The following TANGO6 variants were observed in gnomAD, a reference collection of about 807,000 sequenced individuals.
TANGO6 encodes the protein transport and golgi organization 6 homolog.
TANGO6 carries 90 observed loss-of-function variants against 114.2 expected under a neutral mutation model. The ratio of observed to expected loss-of-function variants is 0.79; its 90% CI spans 0.66 to 0.94. The LOEUF (loss-of-function observed/expected upper bound fraction) is 0.94, where lower values mean the gene tolerates loss of function less well. TANGO6 is among the 40% of genes least tolerant of loss of function. TANGO6 has a pLI of 0.00. For missense variants in TANGO6, 1,274 were observed against 1,315.3 expected, an observed-to-expected ratio of 0.97 and a Z score of 0.49; for synonymous variants, 477 against 509.8, an observed-to-expected ratio of 0.94 and a Z score of 0.87.
intron 9 of TANGO6, among the ~76,000 whole-genome samples, chr16:68,904,333 C>G (rs929013006): frequency 1.3e-5 from 2 of 152,134 alleles, no homozygotes; most frequent in African/African-American, 4.8e-5. Flanking sequence ...TAAAATGGCT[C>G]ACAGAAGCTT....
intron 9 of TANGO6, among the ~76,000 whole-genome samples, chr16:68,906,781 A>G (rs553666648): frequency 1.4e-5 from 2 of 146,450 alleles, no homozygotes; most frequent in African/African-American, 2.5e-5. Flanking sequence ...ATAACCGCCT[A>G]GTTTCTTCTT....
Position 69,077,507 on chromosome 16 carries a change from G to A in TANGO6, c.3109-5978G>A, listed in dbSNP as rs533077867. 3.3e-5 allele frequency among the ~76,000 whole-genome samples: 5 copies of A among 152,174 alleles called. No homozygotes were observed. In the South Asian group the frequency reaches 1.0e-3, roughly 32 times the overall value. ...GAGCAATGTACCAGTCACTTTCTGA[G>A]GCATTGGGGCTATACCAGATTGAAA... On this transcript the variant is annotated intron_variant, in intron 17 of 17. Coordinates refer to ENST00000261778, the MANE Select transcript of TANGO6 (RefSeq NM_024562.2).
intron 7 of TANGO6, among the ~76,000 whole-genome samples, chr16:68,886,849 G>A (rs1322737492): frequency 6.8e-6 from 1 of 147,076 alleles, no homozygotes. Context: ...ACTCTGTCAC[G>A]CAGGCTGGAG....
At chr16:69,019,159 AG>A (rs1186672878) in intron 15 of TANGO6, among the ~76,000 whole-genome samples, 1 of 152,084 alleles carries the variant, frequency 6.6e-6, no homozygotes, top group Non-Finnish European at 1.5e-5. Flanking sequence ...TGAATTTTTT[AG>A]TTTATTTCTT....
intron 2 of TANGO6, among the ~76,000 whole-genome samples, chr16:68,862,678 T>A (rs1334358810): frequency 1.3e-5 from 2 of 152,140 alleles, no homozygotes; most frequent in Non-Finnish European, 2.9e-5. Flanking sequence ...GAGAGATGCT[T>A]GCCAAAACCA....
At chr16:69,046,846 T>G (rs1477340463) in intron 17 of TANGO6, among the ~76,000 whole-genome samples, 1 of 151,972 alleles carries the variant, frequency 6.6e-6, no homozygotes, top group Non-Finnish European at 1.5e-5. Flanking sequence ...TTATATAATG[T>G]GAAGAACAGA....
intron 14 of TANGO6, chr16:68,937,103 G>A (rs1350578339): frequency 6.6e-6 from 1 of 152,198 alleles, no homozygotes; most frequent in Non-Finnish European, 1.5e-5. Context: ...CTCATTCTCA[G>A]ATTTCTACCT....
intron 15 of TANGO6, 124 bp from the exon 16 acceptor site, chr16:69,022,703 CA>C (rs113972965): frequency 3.1e-3 from 2,974 of 950,636 alleles, no homozygotes; most frequent in Middle Eastern, 3.9e-3. Flanking sequence ...GACCCTGTCT[CA>C]AAAAAAAAAT....
intron 15 of TANGO6, among the ~76,000 whole-genome samples, chr16:69,004,786 A>G (rs1474292757): frequency 6.6e-6 from 1 of 152,226 alleles, no homozygotes; most frequent in African/African-American, 2.4e-5. Flanking sequence ...CATGTCTAAC[A>G]AGGATCTTTA....
intron 8 of TANGO6, among the ~76,000 whole-genome samples, chr16:68,901,434 G>A (rs1361402292): frequency 6.6e-6 from 1 of 152,248 alleles, no homozygotes; most frequent in Admixed American, 6.5e-5. Context: ...TGCATTGGAA[G>A]AGGGAGGCTG....
chr16:68,929,677 A>G (rs1963215742), intron 13 of TANGO6, among the ~76,000 whole-genome samples: 1 of 152,222 alleles, frequency 6.6e-6, no homozygotes, highest in Admixed American at 6.5e-5. Context: ...GATACCCCTG[A>G]TAGGTTCCTA....
In TANGO6 at chr16:68,974,117, G is replaced by A; in HGVS notation, c.2791G>A (p.Glu931Lys). 6.2e-7 allele frequency: 1 copy of A among 1,613,994 alleles called. No homozygotes were observed. Among genetic ancestry groups the A allele is most frequent in the Non-Finnish European group, 8.5e-7 (1 of 1,179,890 alleles). Residue 931 changes from glutamate (E) to lysine (K), a missense_variant, in exon 15 of 18, where the codon GAG becomes AAG. Transcript: ENST00000261778. ...CAGCAGCAAAGACAAGCACACACCA[G>A]AGACCAGAATGAAAGTCGGGGAAGT... ...YDSSKDKHTPETRMKVGEVLM... is the reference protein window; with the variant it reads ...YDSSKDKHTPKTRMKVGEVLM...
chr16:68,845,646 C>G (rs564833828), intron 1 of TANGO6, among the ~76,000 whole-genome samples: 4 of 152,062 alleles, frequency 2.6e-5, no homozygotes, highest in African/African-American at 9.6e-5. Context: ...TGAGACCAGA[C>G]TGGGCAACAT....
At chr16:69,015,803 G>A (rs547859433) in intron 15 of TANGO6, among the ~76,000 whole-genome samples, 46 of 152,216 alleles carry the variant, frequency 3.0e-4, no homozygotes, top group African/African-American at 1.0e-3. Context: ...TTTCAAAGGA[G>A]TGCTGGAGCT....
intron 1 of TANGO6, among the ~76,000 whole-genome samples, chr16:68,854,289 A>G (rs535950491): frequency 3.3e-5 from 5 of 152,212 alleles, no homozygotes; most frequent in Admixed American, 1.3e-4. Flanking sequence ...CCTCATCTCT[A>G]TAAATAATTA....
chr16:68,866,716 C>G (rs943580368), intron 3 of TANGO6, among the ~76,000 whole-genome samples: 7 of 151,648 alleles, frequency 4.6e-5, no homozygotes, highest in African/African-American at 1.7e-4. Flanking sequence ...GTGGGTGGAT[C>G]ACCTGAGGTC....
At position 69,028,367 on chromosome 16, in the gene TANGO6, C is replaced by T. The variant is rs138563201; in HGVS notation, c.2994+5388C>T. ...AATTCAGGCCAGGTGCAGAGGCCCA[C>T]GCCTATAATCTCAGCACTTTGGGAG... On this transcript the variant is annotated intron_variant, in intron 16 of 17. Transcript: ENST00000261778. 4.6e-3 allele frequency among the ~76,000 whole-genome samples: 700 copies of T among 152,266 alleles called. 8 individuals are homozygous for T. The highest frequency in any genetic ancestry group is 0.016 in the African/African-American group (673 of 41,556).
chr16:69,033,384 C>T (rs1959630826), intron 16 of TANGO6, among the ~76,000 whole-genome samples: 1 of 152,070 alleles, frequency 6.6e-6, no homozygotes, highest in African/African-American at 2.4e-5. Context: ...GGCAAGTATG[C>T]TAGAAGACAC....
intron 15 of TANGO6, among the ~76,000 whole-genome samples, chr16:69,016,995 G>A (rs1433460166): frequency 1.3e-5 from 2 of 152,056 alleles, no homozygotes; most frequent in Admixed American, 6.6e-5. Context: ...TGGTTTCAAC[G>A]TTATTTATTG....
Sources: allele counts gnomAD v4.1 joint callset (sites outside exome capture counted in the v4.1 genomes callset), GRCh38; gene constraint gnomAD v4.1.1; transcripts MANE v1.5; gene names NCBI Gene and HGNC (gene_info 2026-07-23, HGNC 2026-07-21).